CNOT10: variants seen among roughly 807,000 people sequenced by gnomAD.
The protein encoded by CNOT10 is CCR4-NOT transcription complex, subunit 10.
CNOT10 carries 30 observed loss-of-function variants against 94.6 expected under a neutral mutation model. That is an observed-to-expected ratio of 0.32 (90% confidence interval 0.24 to 0.43). The LOEUF is 0.43. Among genes scored for constraint, CNOT10 ranks in the 20% least tolerant of loss-of-function variants. CNOT10 has a pLI of 1.00. For synonymous variants in CNOT10, 289 were observed against 301.6 expected, an observed-to-expected ratio of 0.96 and a Z score of 0.43; for missense variants, 759 against 877.2, an observed-to-expected ratio of 0.87 and a Z score of 1.70.
At chr3:32,742,161 G>A (rs981654487) in intron 13 of CNOT10, among the ~76,000 whole-genome samples, 9 of 151,748 alleles carry the variant, frequency 5.9e-5, no homozygotes, top group African/African-American at 2.2e-4. Context: ...TCACCATGTT[G>A]GCCAGGATAG....
At position 32,685,398 on chromosome 3, in the gene CNOT10, A is replaced by T; in HGVS notation, c.-63A>T. The T allele has an allele frequency of 6.5e-7, 1 of 1,544,974 alleles. No individual in the cohort carries two copies. ...TCCTCGGAGGTCCAGGACAGCGGCC[A>T]GCCCGGCGGCGGGAGTCAGGGCCAC... On this transcript the variant is annotated 5_prime_UTR_variant, in exon 1 of 19. Coordinates refer to ENST00000328834, the MANE Select transcript of CNOT10 (RefSeq NM_015442.3).
intron 8 of CNOT10, among the ~76,000 whole-genome samples, chr3:32,721,647 C>CTTT (rs746767255): frequency 7.6e-6 from 1 of 131,606 alleles, no homozygotes; most frequent in African/African-American, 2.8e-5. Context: ...ATTACATATT[C>CTTT]TTTTTTTTTT....
rs139390752 is a variant in CNOT10, at chr3:32,716,810, G to A, written c.661-344G>A. 1.2e-3 allele frequency among the ~76,000 whole-genome samples: 179 copies of A among 152,058 alleles called. 1 individual carries two copies. The highest frequency in any genetic ancestry group is 1.9e-3 in the Non-Finnish European group (132 of 67,984). ...ATTACTAGTGCGCATCACCACACCCGGATAATTTTTTGTATTTTTAGTAGA... is the reference window on the plus strand; with the variant it reads ...ATTACTAGTGCGCATCACCACACCCAGATAATTTTTTGTATTTTTAGTAGA... On this transcript the variant is annotated intron_variant, in intron 6 of 18. Coordinates refer to ENST00000328834, the MANE Select transcript of CNOT10 (RefSeq NM_015442.3).
chr3:32,733,258 C>CTT (rs1291372646), intron 10 of CNOT10, among the ~76,000 whole-genome samples, 165 bp from the exon 11 acceptor site: 1 of 152,136 alleles, frequency 6.6e-6, no homozygotes, highest in Non-Finnish European at 1.5e-5. Context: ...GCCTTATATA[C>CTT]TTTTTCCACT....
intron 10 of CNOT10, among the ~76,000 whole-genome samples, chr3:32,732,095 A>G (rs1296050430): frequency 6.6e-6 from 1 of 151,472 alleles, no homozygotes; most frequent in Admixed American, 6.6e-5. Flanking sequence ...ATAAATAAAT[A>G]AAAGATTTTT....
intron 8 of CNOT10, among the ~76,000 whole-genome samples, chr3:32,723,371 G>A (rs1409499217): frequency 2.0e-5 from 3 of 148,812 alleles, no homozygotes; most frequent in African/African-American, 5.0e-5. Context: ...CAGCCTGGGC[G>A]ACAGAGTGAG....
intron 8 of CNOT10, among the ~76,000 whole-genome samples, chr3:32,720,733 C>T (rs1698336507): frequency 6.6e-6 from 1 of 152,078 alleles, no homozygotes; most frequent in African/African-American, 2.4e-5. Flanking sequence ...GATCCGCTGA[C>T]CTCAGTCTCC....
At chr3:32,767,897 G>T (rs1468131042) in intron 17 of CNOT10, among the ~76,000 whole-genome samples, 1 of 152,172 alleles carries the variant, frequency 6.6e-6, no homozygotes, top group East Asian at 1.9e-4. Flanking sequence ...TCCAGCTGAG[G>T]TTCTCGTACA....
intron 1 of CNOT10, among the ~76,000 whole-genome samples, chr3:32,698,909 G>C (rs954037253): frequency 1.3e-5 from 2 of 152,072 alleles, no homozygotes; most frequent in African/African-American, 4.8e-5. Context: ...CCTTCGCCTC[G>C]CTTGTAGCTG....
intron 1 of CNOT10, among the ~76,000 whole-genome samples, chr3:32,702,283 A>G (rs981613809): frequency 1.5e-4 from 23 of 152,232 alleles, no homozygotes; most frequent in African/African-American, 5.3e-4. Flanking sequence ...TGAGAGAACT[A>G]TAAAAAGTAT....
At chr3:32,706,129 C>T (rs1031660915) in intron 3 of CNOT10, among the ~76,000 whole-genome samples, 3 of 152,132 alleles carry the variant, frequency 2.0e-5, no homozygotes, top group Non-Finnish European at 4.4e-5. Flanking sequence ...TGTTCTCCTA[C>T]CTGTCTCAGT....
chr3:32,755,498 T>C (rs1394466490), intron 13 of CNOT10, among the ~76,000 whole-genome samples: 2 of 151,560 alleles, frequency 1.3e-5, no homozygotes, highest in Non-Finnish European at 2.9e-5. Flanking sequence ...TTTTGTATCA[T>C]TATTGGATTT....
chr3:32,732,681 T>C (rs1699015080), intron 10 of CNOT10, among the ~76,000 whole-genome samples: 1 of 151,668 alleles, frequency 6.6e-6, no homozygotes, highest in East Asian at 1.9e-4. Flanking sequence ...TTTCAAGTGA[T>C]CCTCCTGCCT....
intron 17 of CNOT10, among the ~76,000 whole-genome samples, chr3:32,767,976 G>C (rs1700723824): frequency 6.6e-6 from 1 of 152,118 alleles, no homozygotes; most frequent in Admixed American, 6.6e-5. Context: ...GGGTCTGAAG[G>C]GGGTTTTGTT....
At chr3:32,686,854 C>G (rs1398310056) in intron 1 of CNOT10, among the ~76,000 whole-genome samples, 2 of 152,174 alleles carry the variant, frequency 1.3e-5, no homozygotes, top group Non-Finnish European at 2.9e-5. Flanking sequence ...AGTCATAAAG[C>G]CTTCTACTTG....
intron 6 of CNOT10, 92 bp from the exon 7 acceptor site, chr3:32,717,062 T>A (rs1334817747): frequency 1.5e-5 from 10 of 652,598 alleles, no homozygotes; most frequent in Non-Finnish European, 2.7e-5. Flanking sequence ...AGTGTAACTA[T>A]GTTGTAAATA....
intron 8 of CNOT10, among the ~76,000 whole-genome samples, chr3:32,724,260 T>TTG (rs1434233121): frequency 3.4e-4 from 52 of 150,960 alleles, no homozygotes; most frequent in African/African-American, 1.1e-3. Flanking sequence ...TTTTTTTTTT[T>TTG]TCTTTGAGAC....
intron 1 of CNOT10, among the ~76,000 whole-genome samples, chr3:32,690,195 G>A (rs2125488421): frequency 6.6e-6 from 1 of 152,296 alleles, no homozygotes; most frequent in South Asian, 2.1e-4. Flanking sequence ...TAGGGGCTTT[G>A]AAATCAGATA....
chr3:32,743,682 C>T (rs1699575374), intron 13 of CNOT10, among the ~76,000 whole-genome samples: 1 of 152,050 alleles, frequency 6.6e-6, no homozygotes, highest in Non-Finnish European at 1.5e-5. Context: ...GGTGGTTAAA[C>T]ATCTGCAGAG....
Sources: gnomAD v4.1 joint callset for allele counts (sites outside exome capture counted in the v4.1 genomes callset) on GRCh38, gnomAD v4.1.1 for gene constraint, MANE v1.5 for transcripts, NCBI Gene and HGNC (gene_info 2026-07-23, HGNC 2026-07-21) for gene names.